The following DIAPH3 variants were observed in gnomAD, a reference collection of about 807,000 sequenced individuals.
DIAPH3 encodes diaphanous related formin 3.
Under a neutral mutation model 144.3 loss-of-function variants are expected in DIAPH3, and 117 were observed. That is an observed-to-expected ratio of 0.81 (90% confidence interval 0.70 to 0.95). The LOEUF (loss-of-function observed/expected upper bound fraction) is 0.95, where lower values mean the gene tolerates loss of function less well. DIAPH3 is among the 40% of genes least tolerant of loss of function. DIAPH3 has a pLI of 0.00. For synonymous variants in DIAPH3, 519 were observed against 488.9 expected (o/e 1.06, Z -0.81); for missense variants, 1,421 against 1,412.7 (o/e 1.01, Z -0.09).
intron 17 of DIAPH3, 106 bp from the exon 18 acceptor site, chr13:59,924,976 T>G (rs1034366407): frequency 1.7e-5 from 25 of 1,471,604 alleles, no homozygotes; most frequent in Non-Finnish European, 2.2e-5. Flanking sequence ...GATGTAACTC[T>G]TCTAAATAAA....
At chr13:59,788,495 C>T (rs1457886750) in intron 25 of DIAPH3, among the ~76,000 whole-genome samples, 1 of 152,082 alleles carries the variant, frequency 6.6e-6, no homozygotes, top group Non-Finnish European at 1.5e-5. Flanking sequence ...TTGCACATAT[C>T]ACATAATAAT....
chr13:59,828,875 T>TA (rs908466973), intron 24 of DIAPH3, among the ~76,000 whole-genome samples: 21 of 150,054 alleles, frequency 1.4e-4, no homozygotes, highest in Non-Finnish European at 2.4e-4. Context: ...GTCGATTGTT[T>TA]AAAAAAAAAA....
intron 17 of DIAPH3, among the ~76,000 whole-genome samples, chr13:59,966,644 C>T (rs1386702199): frequency 6.6e-6 from 1 of 152,086 alleles, no homozygotes. Context: ...TACTTGACAA[C>T]AAATAAAGTC....
At chr13:59,742,832 T>C (rs1324125624) in intron 27 of DIAPH3, among the ~76,000 whole-genome samples, 1 of 152,216 alleles carries the variant, frequency 6.6e-6, no homozygotes, top group Admixed American at 6.5e-5. Context: ...AATTCATCCT[T>C]CATAAGTTGA....
chr13:60,090,426 T>C (rs1199311783), intron 4 of DIAPH3, among the ~76,000 whole-genome samples: 1 of 152,008 alleles, frequency 6.6e-6, no homozygotes, highest in Admixed American at 6.6e-5. Flanking sequence ...ACTTTGAGGG[T>C]TAATACTTTG....
intron 20 of DIAPH3, among the ~76,000 whole-genome samples, chr13:59,893,764 T>C (rs142171353): frequency 1.1e-4 from 16 of 152,238 alleles, no homozygotes; most frequent in African/African-American, 3.6e-4. Context: ...CCAGCTCATA[T>C]TTCGAACAAT....
intron 24 of DIAPH3, among the ~76,000 whole-genome samples, chr13:59,819,738 T>C (rs1408960272): frequency 1.4e-5 from 2 of 145,304 alleles, no homozygotes; most frequent in Admixed American, 1.4e-4. Flanking sequence ...ACATTAAGTA[T>C]GACATTTCAT....
chr13:59,973,413 C>T (rs1283900458), intron 15 of DIAPH3, among the ~76,000 whole-genome samples: 1 of 151,128 alleles, frequency 6.6e-6, no homozygotes, highest in East Asian at 1.9e-4. Context: ...GACAAGGAAC[C>T]ATATGGGAAA....
intron 12 of DIAPH3, among the ~76,000 whole-genome samples, chr13:59,986,839 G>A (rs909359256): frequency 5.9e-4 from 88 of 150,114 alleles, no homozygotes; most frequent in Non-Finnish European, 1.1e-3. Context: ...GTGTTGGAGA[G>A]GATGTGGAGA....
chr13:59,667,318 T>A (rs2032077558), intron 27 of DIAPH3, among the ~76,000 whole-genome samples: 1 of 152,244 alleles, frequency 6.6e-6, no homozygotes, highest in African/African-American at 2.4e-5. Flanking sequence ...CTTACTAGAA[T>A]GTGTGCTCCA....
rs569574416 is a variant in DIAPH3, at chr13:59,853,627, G to A, written c.2737+7780C>T. Among the ~76,000 whole-genome samples the A allele has an allele frequency of 5.9e-5, 9 of 152,166 alleles. No homozygotes were observed. In the East Asian group the frequency reaches 9.7e-4, roughly 16 times the overall value. The stretch of plus-strand genomic sequence containing the variant: ...CTTCCTGTATAGCCTGTGTAACTGC[G>A]AGCCACTTAAACCACTTTTCTTTAT... On this transcript the variant is annotated intron_variant, in intron 22 of 27. Transcript: ENST00000400324.
intron 25 of DIAPH3, among the ~76,000 whole-genome samples, chr13:59,779,895 A>T (rs531996277): frequency 6.6e-6 from 1 of 152,302 alleles, no homozygotes; most frequent in African/African-American, 2.4e-5. Context: ...GACTTGAAGT[A>T]CAAATAGACT....
intron 25 of DIAPH3, among the ~76,000 whole-genome samples, chr13:59,810,470 C>G (rs975524988): frequency 2.6e-5 from 4 of 152,158 alleles, no homozygotes; most frequent in Non-Finnish European, 4.4e-5. Flanking sequence ...CCATTTCTGA[C>G]AGTTACTTTA....
chr13:59,791,445 G>A (rs1292008886), intron 25 of DIAPH3, among the ~76,000 whole-genome samples: 1 of 152,092 alleles, frequency 6.6e-6, no homozygotes, highest in Non-Finnish European at 1.5e-5. Flanking sequence ...TTTCAAAGTA[G>A]CTATTATCTA....
At chr13:59,992,360 A>AAT in intron 10 of DIAPH3, 113 bp downstream of exon 10, 1 of 1,121,476 alleles carries the variant, frequency 8.9e-7, no homozygotes, top group Non-Finnish European at 1.3e-6. Context: ...AGATTTTTTA[A>AAT]CTCAAGCCTT....
rs1555274392 is a variant in DIAPH3, at chr13:59,697,491, A to AAAAAAAG, written c.3320-30646_3320-30645insCTTTTTT. On this transcript the variant is annotated intron_variant, in intron 27 of 27. Transcript: ENST00000400324. ...AAAAAAAAAAAAAAAAAAAAAAAAA[A>AAAAAAAG]AAGAAGAGGGGATTCAACTCATATA... is the stretch of plus-strand genomic sequence containing the variant. Among the ~76,000 whole-genome samples the AAAAAAAG allele has an allele frequency of 2.2e-3, 170 of 77,986 alleles. 10 individuals are homozygous for AAAAAAAG. Among genetic ancestry groups the AAAAAAAG allele is most frequent in the Non-Finnish European group, 3.4e-3 (135 of 40,198 alleles). 51.2% of individuals were successfully genotyped at this position (77,986 alleles called of 152,430 possible).
intron 17 of DIAPH3, among the ~76,000 whole-genome samples, chr13:59,927,945 T>A (rs1241658061): frequency 6.6e-6 from 1 of 152,162 alleles, no homozygotes; most frequent in Non-Finnish European, 1.5e-5. Flanking sequence ...CTTAGAGAGT[T>A]TTCAGCTATT....
At chr13:59,743,302 A>T (rs2036552770) in intron 27 of DIAPH3, among the ~76,000 whole-genome samples, 1 of 152,194 alleles carries the variant, frequency 6.6e-6, no homozygotes, top group Non-Finnish European at 1.5e-5. Flanking sequence ...GCACTCAAAG[A>T]GACGGAAGAC....
At chr13:60,055,336 T>C (rs1396828390) in intron 4 of DIAPH3, among the ~76,000 whole-genome samples, 1 of 151,940 alleles carries the variant, frequency 6.6e-6, no homozygotes, top group Non-Finnish European at 1.5e-5. Flanking sequence ...ACCTCCAATC[T>C]AATGGAAAAG....
Sources: allele counts gnomAD v4.1 joint callset (sites outside exome capture counted in the v4.1 genomes callset), GRCh38; gene constraint gnomAD v4.1.1; transcripts MANE v1.5; gene names NCBI Gene and HGNC (gene_info 2026-07-23, HGNC 2026-07-21).